The following LY9 variants were observed in gnomAD, a reference collection of about 807,000 sequenced individuals.
LY9 encodes the protein lymphocyte antigen 9, also known as T-lymphocyte surface antigen Ly-9.
Under a neutral mutation model 64.6 loss-of-function variants are expected in LY9, and 59 were observed. That is an observed-to-expected ratio of 0.91 (90% CI 0.74 to 1.13). LY9 has a LOEUF of 1.13. Ranked by LOEUF, LY9 falls within the 50% of genes most tolerant of loss-of-function variation. The probability of loss-of-function intolerance (pLI) is 0.00; values close to 1 mark genes in which losing one functional copy is unlikely to be tolerated. For synonymous variants in LY9, 281 were observed against 308.5 expected (o/e 0.91, Z 0.93); for missense variants, 789 against 797.2 (o/e 0.99, Z 0.12).
At position 160,800,075 on chromosome 1, in the gene LY9, C is replaced by T. The variant is rs373033533; in HGVS notation, c.447C>T (p.Phe149=). 4.3e-6 allele frequency: 7 copies of T among 1,611,136 alleles called. No individual in the cohort carries two copies. In the East Asian group the frequency reaches 6.7e-5, roughly 15 times the overall value. ...EVTTEEEFTL[F]VYEQLQEPQV... ...CCACTGAGGAGGAATTCACCCTGTT[C>T]GTCTATGGTGAGTTCCAGAGAGCTT... is the stretch of plus-strand genomic sequence containing the variant. Residue 149 remains phenylalanine, a synonymous_variant, in exon 2 of 10, where the codon TTC becomes TTT. Coordinates refer to ENST00000263285, the MANE Select transcript of LY9 (RefSeq NM_002348.4).
intron 9 of LY9, among the ~76,000 whole-genome samples, chr1:160,825,374 T>A (rs754947745): frequency 3.3e-5 from 5 of 152,314 alleles, no homozygotes; most frequent in Non-Finnish European, 7.3e-5. Flanking sequence ...CCACATTTTA[T>A]AGCCAAAGAA....
At chr1:160,799,630 A>G in intron 1 of LY9, 123 bp from the exon 2 acceptor site, 2 of 663,574 alleles carry the variant, frequency 3.0e-6, no homozygotes, top group Non-Finnish European at 5.2e-6. Context: ...GAAGGAGGAC[A>G]AGAATCTCAT....
At chr1:160,812,395 G>T (rs1667546459) in intron 2 of LY9, 1 of 152,038 alleles carries the variant, frequency 6.6e-6, no homozygotes, top group South Asian at 2.1e-4. Flanking sequence ...ACTTTGCAGA[G>T]ACACAGTTTA....
chr1:160,813,549 A>G (rs1460173292), intron 2 of LY9, 87 bp from the exon 3 acceptor site: 6 of 1,367,110 alleles, frequency 4.4e-6, no homozygotes, highest in Middle Eastern at 1.9e-4. Flanking sequence ...GCTGCCCCCA[A>G]CTCCCCTATT....
At chr1:160,802,092 C>T in intron 2 of LY9, 1 of 1,379,818 alleles carries the variant, frequency 7.2e-7, no homozygotes, top group Non-Finnish European at 9.4e-7. Context: ...TCCCATGGCA[C>T]GTCGGGAACA....
At chr1:160,802,530 T>G in intron 2 of LY9, 3 of 985,654 alleles carry the variant, frequency 3.0e-6, no homozygotes, top group Non-Finnish European at 3.6e-6. Context: ...TCAGTGTTTG[T>G]CAGTGTTTGT....
At chr1:160,807,997 G>C (rs892149718) in intron 2 of LY9, among the ~76,000 whole-genome samples, 1 of 152,140 alleles carries the variant, frequency 6.6e-6, no homozygotes, top group African/African-American at 2.4e-5. Flanking sequence ...GACAGTAGCC[G>C]CCACCGTGAG....
chr1:160,804,940 A>G (rs1422190585), intron 2 of LY9, among the ~76,000 whole-genome samples: 1 of 151,998 alleles, frequency 6.6e-6, no homozygotes, highest in Non-Finnish European at 1.5e-5. Context: ...CTGTAATGTC[A>G]GTTGTAATGT....
chr1:160,822,133 GC>G (rs1668511418), intron 7 of LY9, among the ~76,000 whole-genome samples: 1 of 152,118 alleles, frequency 6.6e-6, no homozygotes, highest in African/African-American at 2.4e-5. Context: ...GTCCTCGCGT[GC>G]CGGGAAAGTT....
chr1:160,818,114 T>C (rs1184825294), intron 5 of LY9, 104 bp from the exon 6 acceptor site: 2 of 740,620 alleles, frequency 2.7e-6, no homozygotes, highest in Non-Finnish European at 4.7e-6. Context: ...CACAACGTCA[T>C]GGATTTTAAG....
At chr1:160,800,599 C>A (rs1323852249) in intron 2 of LY9, among the ~76,000 whole-genome samples, 15 of 151,552 alleles carry the variant, frequency 9.9e-5, no homozygotes, top group Non-Finnish European at 4.4e-5. Flanking sequence ...TTATTGCATG[C>A]ACATATTGCA....
intron 8 of LY9, 52 bp downstream of exon 8, chr1:160,823,848 T>A (rs780292283): frequency 4.1e-5 from 59 of 1,421,870 alleles, no homozygotes; most frequent in Middle Eastern, 1.8e-4. Flanking sequence ...TCTAGCGGCA[T>A]CTGAGATCCT....
intron 8 of LY9, 127 bp downstream of exon 8, chr1:160,823,923 G>T: frequency 1.2e-6 from 1 of 810,062 alleles, no homozygotes; most frequent in Non-Finnish European, 2.0e-6. Context: ...ATACGGGCAG[G>T]GACTCATGGC....
intron 9 of LY9, among the ~76,000 whole-genome samples, chr1:160,825,932 G>T (rs751169340): frequency 1.3e-5 from 2 of 151,764 alleles, no homozygotes; most frequent in Non-Finnish European, 2.9e-5. Context: ...AAAGACTACA[G>T]TTGACCCTTG....
intron 7 of LY9, among the ~76,000 whole-genome samples, chr1:160,822,058 T>TA (rs1668500128): frequency 6.6e-6 from 1 of 152,234 alleles, no homozygotes. Context: ...GGTAGGCACT[T>TA]ACTAAATATG....
intron 9 of LY9, among the ~76,000 whole-genome samples, chr1:160,825,447 T>A (rs1201295225): frequency 1.3e-5 from 2 of 152,162 alleles, no homozygotes; most frequent in Non-Finnish European, 2.9e-5. Context: ...GTTCCAGTAT[T>A]AAGAACCATG....
rs58196387 is a variant in LY9 at position 160,828,187 on chromosome 1, C to T, written c.*371C>T. On this transcript the variant is annotated 3_prime_UTR_variant, in exon 10 of 10. Transcript: ENST00000263285. The stretch of plus-strand genomic sequence containing the variant: ...TGAAAAGAACCCAAGAGAATTGTCA[C>T]ACATGACACAAGATGTACATAATAT... 3,525 of 160,990 alleles carry T rather than the reference C, an allele frequency of 0.022. 130 individuals are homozygous for T. Among genetic ancestry groups the T allele is most frequent in the African/African-American group, 0.08 (3,352 of 41,794 alleles). The allele number at this position is 160,990 out of a possible 1,614,324, so 10.0% of individuals were successfully genotyped here.
intron 2 of LY9, 130 bp from the exon 3 acceptor site, chr1:160,813,506 T>C: frequency 1.2e-6 from 1 of 815,034 alleles, no homozygotes; most frequent in Non-Finnish European, 1.9e-6. Context: ...GCAGAGAAGA[T>C]GTCCCTGCGA....
At chr1:160,802,724 A>G in intron 2 of LY9, 6 of 920,586 alleles carry the variant, frequency 6.5e-6, no homozygotes, top group Non-Finnish European at 6.5e-6. Context: ...AAATAAATAA[A>G]TAAAAAGTAT....
Sources: gnomAD v4.1 joint callset for allele counts (sites outside exome capture counted in the v4.1 genomes callset) on GRCh38, gnomAD v4.1.1 for gene constraint, MANE v1.5 for transcripts, NCBI Gene and HGNC (gene_info 2026-07-23, HGNC 2026-07-21) for gene names.